The following MTRR variants were observed in gnomAD, a reference collection of about 807,000 sequenced individuals.
MTRR encodes methionine synthase reductase.
A neutral mutation model predicts 79.2 loss-of-function variants in MTRR; 63 were observed. The ratio of observed to expected loss-of-function variants is 0.80; its 90% CI spans 0.65 to 0.98. The LOEUF is 0.98. MTRR is among the 50% of genes least tolerant of loss of function. MTRR has a pLI of 0.00. For synonymous variants in MTRR, 355 were observed against 313.3 expected (o/e 1.13, Z -1.41); for missense variants, 895 against 839.6 (o/e 1.07, Z -0.82).
At chr5:7,866,867 C>T, upstream of MTRR, 2 of 1,614,002 alleles carry the variant, frequency 1.2e-6, no homozygotes, top group Non-Finnish European at 1.7e-6. Flanking sequence ...AGAAATCTGA[C>T]GAGGTGAAAA....
chr5:7,868,052 T>C (rs1409743879), upstream of MTRR: 6 of 1,612,186 alleles, frequency 3.7e-6, no homozygotes, highest in South Asian at 1.1e-5. Context: ...AGATAAACGA[T>C]AAAGGTTCTT....
At chr5:7,888,448 T>C (rs1264888867) in intron 8 of MTRR, among the ~76,000 whole-genome samples, 1 of 152,248 alleles carries the variant, frequency 6.6e-6, no homozygotes, top group Non-Finnish European at 1.5e-5. Context: ...CCAAAGTCTT[T>C]GCAGAGATTT....
rs1021117864 is a variant in MTRR, at chr5:7,892,809, C to T, written c.1453C>T (p.Arg485Trp). The T allele has an allele frequency of 6.8e-6, 11 of 1,614,060 alleles. No homozygotes were observed. The highest frequency in any genetic ancestry group is 2.7e-5 in the African/African-American group (2 of 74,910). The change falls in exon 11 of 15, where the codon CGG becomes TGG. Residue 485 changes from arginine to tryptophan, a missense_variant. Transcript: ENST00000440940. ...FLSTATTEVL[R>W]KGVCTGWLAL... The stretch of plus-strand genomic sequence containing the variant: ...GTCTACTGCCACAACAGAGGTTCTG[C>T]GGAAGGGAGTATGTACAGGCTGGCT...
rs1276568568 is a variant in MTRR, at chr5:7,900,771, A to G, written c.*713A>G. ...CATTTGCATTCAATTTACAGGTACC[A>G]GTACGTACATATTTTAATAGAAAGA... On this transcript the variant is annotated 3_prime_UTR_variant, in exon 15 of 15. Coordinates refer to ENST00000440940, the MANE Select transcript of MTRR (RefSeq NM_002454.3). 2 of 152,682 alleles carry G rather than the reference A, an allele frequency of 1.3e-5. No homozygotes were observed. The allele number at this position is 152,682 out of a possible 1,614,324, so 9.5% of individuals were successfully genotyped here.
chr5:7,887,235 A>T (rs1425059651), intron 8 of MTRR, among the ~76,000 whole-genome samples: 6 of 151,702 alleles, frequency 4.0e-5, no homozygotes, highest in African/African-American at 9.7e-5. Context: ...GTAGGTAATA[A>T]TCAATTATTA....
intron 10 of MTRR, among the ~76,000 whole-genome samples, chr5:7,891,869 C>T (rs982985975): frequency 3.3e-5 from 5 of 151,970 alleles, no homozygotes; most frequent in Admixed American, 2.0e-4. Context: ...GGTGAAACCC[C>T]GTCTCTACTA....
intron 4 of MTRR, among the ~76,000 whole-genome samples, chr5:7,877,569 T>C (rs1191104494): frequency 2.0e-5 from 3 of 151,796 alleles, no homozygotes; most frequent in African/African-American, 7.3e-5. Context: ...TATGGTAGCC[T>C]TGGATTTTGG....
chr5:7,869,246 T>C (rs1747411134), intron 1 of MTRR, 31 bp downstream of exon 1: 1 of 1,600,450 alleles, frequency 6.2e-7, no homozygotes, highest in Non-Finnish European at 8.5e-7. Context: ...GGTTCCCGGA[T>C]TCCGGCCGCT....
At chr5:7,861,360 A>G in intron 1 of MTRR, 2 of 663,320 alleles carry the variant, frequency 3.0e-6, no homozygotes, top group Non-Finnish European at 2.4e-6. Context: ...GGATTTGGCT[A>G]TTACTATGTG....
At chr5:7,874,807 A>G (rs1241492697) in intron 3 of MTRR, among the ~76,000 whole-genome samples, 12 of 152,162 alleles carry the variant, frequency 7.9e-5, no homozygotes, top group Admixed American at 7.9e-4. Context: ...TATGTACACA[A>G]GTGGACTTGA....
intron 8 of MTRR, among the ~76,000 whole-genome samples, chr5:7,888,109 T>C (rs1736935080): frequency 1.3e-5 from 2 of 152,070 alleles, no homozygotes; most frequent in South Asian, 4.1e-4. Flanking sequence ...CATTTTTGCT[T>C]TTTCACTATT....
At chr5:7,876,376 G>A (rs954263633) in intron 4 of MTRR, among the ~76,000 whole-genome samples, 1 of 152,148 alleles carries the variant, frequency 6.6e-6, no homozygotes, top group Non-Finnish European at 1.5e-5. Flanking sequence ...GCTCAGTCTT[G>A]TATGAGCTGT....
chr5:7,868,156 A>C (rs3733781), upstream of MTRR: 1 of 768,140 alleles, frequency 1.3e-6, no homozygotes, highest in East Asian at 3.2e-5. Flanking sequence ...TGAGAACATG[A>C]TTGACCCAAC....
chr5:7,889,149 C>T lies in MTRR; in HGVS notation c.1201C>T (p.Leu401=). 1 of 1,614,152 alleles carries T rather than the reference C, an allele frequency of 6.2e-7. No homozygotes were observed. The highest frequency in any genetic ancestry group is 8.5e-7 in the Non-Finnish European group (1 of 1,180,042). ...CAGTGACAGTGCTGAAAAGCGCAGG[C>T]TACAGGAGCTGTGCAGTAAACAAGG... The part of the protein sequence containing the change: ...YTSDSAEKRR[L]QELCSKQGAA... Residue 401 remains leucine (L), a synonymous_variant, in exon 9 of 15, where the codon CTA becomes TTA. Coordinates refer to ENST00000440940, the MANE Select transcript of MTRR (RefSeq NM_002454.3).
At chr5:7,887,793 CA>C (rs1736805974) in intron 8 of MTRR, among the ~76,000 whole-genome samples, 1 of 92,052 alleles carries the variant, frequency 1.1e-5, no homozygotes, top group Non-Finnish European at 2.0e-5. Flanking sequence ...TGTGTGTGTG[CA>C]TATATATATA....
chr5:7,890,891 A>C (rs927767407), intron 9 of MTRR, among the ~76,000 whole-genome samples: 2 of 152,208 alleles, frequency 1.3e-5, no homozygotes, highest in Non-Finnish European at 1.5e-5. Context: ...TAAATGTAAG[A>C]TGGAAAATAT....
intron 1 of MTRR, among the ~76,000 whole-genome samples, chr5:7,860,412 G>C (rs1175811142): frequency 6.6e-6 from 1 of 152,078 alleles, no homozygotes; most frequent in African/African-American, 2.4e-5. Flanking sequence ...GGATTATCTT[G>C]TTCATTTTTA....
chr5:7,891,750 AC>A (rs371360913), intron 10 of MTRR, among the ~76,000 whole-genome samples: 4 of 152,072 alleles, frequency 2.6e-5, no homozygotes, highest in African/African-American at 9.7e-5. Context: ...CCACTATAAA[AC>A]ATTTGATGAG....
intron 4 of MTRR, among the ~76,000 whole-genome samples, chr5:7,877,631 TAAAG>T (rs1561181398): frequency 6.6e-6 from 1 of 151,988 alleles, no homozygotes; most frequent in Non-Finnish European, 1.5e-5. Flanking sequence ...CTTCTTAAAA[TAAAG>T]TTTACCAATT....
Sources: gnomAD v4.1 joint callset for allele counts (sites outside exome capture counted in the v4.1 genomes callset) on GRCh38, gnomAD v4.1.1 for gene constraint, MANE v1.5 for transcripts, NCBI Gene and HGNC (gene_info 2026-07-23, HGNC 2026-07-21) for gene names.